Variants in HVCN1 observed in about 807,000 individuals in gnomAD.
HVCN1 encodes the protein voltage-gated hydrogen channel 1.
Under a neutral mutation model 29.2 loss-of-function variants are expected in HVCN1, and 14 were observed. The ratio of observed to expected loss-of-function variants is 0.48; its 90% confidence interval spans 0.32 to 0.75. HVCN1 has a LOEUF of 0.75. Among genes scored for constraint, HVCN1 ranks in the 30% least tolerant of loss-of-function variants. HVCN1 has a pLI of 0.04. For missense variants in HVCN1, 263 were observed against 341.8 expected (o/e 0.77, Z 1.82); for synonymous variants, 131 against 133.2 (o/e 0.98, Z 0.11).
chr12:110,649,519 GC>G, intron 7 of HVCN1, 44 bp from the exon 8 acceptor site: 1 of 1,418,786 alleles, frequency 7.0e-7, no homozygotes, highest in Non-Finnish European at 9.8e-7. Flanking sequence ...TTTGAGCCTC[GC>G]CAGGGATGTG....
intron 3 of HVCN1, among the ~76,000 whole-genome samples, chr12:110,679,852 T>C (rs1029137560): frequency 1.4e-5 from 2 of 141,418 alleles, no homozygotes; most frequent in Non-Finnish European, 3.0e-5. Flanking sequence ...AGAGCGAGAC[T>C]CCGTCTCAAA....
Position 110,674,569 on chromosome 12 carries a change from G to A in HVCN1, c.21+8656C>T, listed in dbSNP as rs146507994. On this transcript the variant is annotated intron_variant, in intron 3 of 7. Transcript: ENST00000242607. Reference sequence around the variant, plus strand: ...TCCAGAATTCCCATGTGTTGTGGGAGGGACCCAGGGGGAGGTAATTGAATC... The same window carrying A: ...TCCAGAATTCCCATGTGTTGTGGGAAGGACCCAGGGGGAGGTAATTGAATC... 6.8e-3 allele frequency among the ~76,000 whole-genome samples: 1,039 copies of A among 152,232 alleles called. 1 individual carries two copies. Among genetic ancestry groups the A allele is most frequent in the Non-Finnish European group, 9.3e-3 (634 of 68,008 alleles).
intron 3 of HVCN1, among the ~76,000 whole-genome samples, chr12:110,664,095 A>T (rs1482012057): frequency 6.6e-6 from 1 of 151,962 alleles, no homozygotes; most frequent in African/African-American, 2.4e-5. Context: ...TAAAACAATT[A>T]TTTTTTTAGA....
In HVCN1 at chr12:110,649,442, G is replaced by T; in HGVS notation, c.790C>A (p.Arg264=). ...ACTTCACCAAGAAGTCCATGCTGTC[G>T]CAATAGTTTGTTAAGTCTTTCAATT... ...QEIERLNKLL[R]QHGLLGEVN Residue 264 remains arginine, a synonymous_variant, in exon 8 of 8, where the codon CGA becomes AGA. Coordinates refer to ENST00000242607, the MANE Select transcript of HVCN1 (RefSeq NM_032369.4). The T allele has an allele frequency of 6.2e-7, 1 of 1,608,048 alleles. No individual in the cohort carries two copies. Among genetic ancestry groups the T allele is most frequent in the Non-Finnish European group, 8.5e-7 (1 of 1,176,200 alleles).
intron 3 of HVCN1, among the ~76,000 whole-genome samples, chr12:110,664,594 C>T (rs2068281696): frequency 6.6e-6 from 1 of 152,156 alleles, no homozygotes; most frequent in South Asian, 2.1e-4. Context: ...TTACTGTGAT[C>T]CCTTAGAGAA....
intron 1 of HVCN1, among the ~76,000 whole-genome samples, chr12:110,704,534 T>C (rs1241952856): frequency 2.0e-5 from 3 of 151,544 alleles, no homozygotes; most frequent in Admixed American, 6.6e-5. Context: ...AGTGCGTGCC[T>C]GTGGTCCCAG....
chr12:110,649,546 G>T, intron 7 of HVCN1, 71 bp from the exon 8 acceptor site: 2 of 1,122,194 alleles, frequency 1.8e-6, no homozygotes, highest in East Asian at 2.5e-5. Flanking sequence ...CAATCATTCA[G>T]TGAGCCCCAG....
At chr12:110,655,436 C>A in intron 4 of HVCN1, 98 bp from the exon 5 acceptor site, 1 of 875,676 alleles carries the variant, frequency 1.1e-6, no homozygotes, top group Non-Finnish European at 1.9e-6. Flanking sequence ...TGGGTGAAAC[C>A]ACTGGGCAAA....
chr12:110,680,746 G>A (rs2136425516), intron 3 of HVCN1, among the ~76,000 whole-genome samples: 1 of 152,096 alleles, frequency 6.6e-6, no homozygotes, highest in Non-Finnish European at 1.5e-5. Flanking sequence ...GAGAAACCCT[G>A]TCTCTACCAA....
rs1188264777 is a variant in HVCN1, at chr12:110,661,713, T to C, written c.22-265A>G. Among the ~76,000 whole-genome samples, 1 of 152,162 alleles carries C rather than the reference T, an allele frequency of 6.6e-6. No homozygotes were observed. The highest frequency in any genetic ancestry group is 1.5e-5 in the Non-Finnish European group (1 of 68,036). ...TGGCAGTAACCAACGGAATCAGTAC[T>C]GCAGCCCGGTCCCAAAACACCCGCC... On this transcript the variant is annotated intron_variant, in intron 3 of 7. Transcript: ENST00000242607. The surrounding 1 kb of genome is among the most constrained non-coding windows in gnomAD (Gnocchi z 6.2).
At position 110,655,308 on chromosome 12, in the gene HVCN1, C is replaced by T; in HGVS notation, c.337G>A (p.Ala113Thr). The change falls in exon 5 of 8, where the codon GCC becomes ACC. Residue 113 changes from alanine (A) to threonine (T), a missense_variant. By Grantham distance (58) the Ala-to-Thr change is moderately conservative. Transcript: ENST00000242607. ...VIIICLVVLD[A>T]LLVLAELILD... ...ATGAGCTCAGCAAGCACCAGGAGGG[C>T]ATCCAGAACCACCAAGCAGATGATG... 6.2e-7 allele frequency: 1 copy of T among 1,613,848 alleles called. No homozygotes were observed. Among genetic ancestry groups the T allele is most frequent in the East Asian group, 2.2e-5 (1 of 44,866 alleles).
At chr12:110,687,266 C>A (rs867763123) in intron 2 of HVCN1, among the ~76,000 whole-genome samples, 1 of 150,450 alleles carries the variant, frequency 6.6e-6, no homozygotes. Flanking sequence ...CACCCCCCCC[C>A]CCCAGCTAAG....
rs778763209 is a variant in HVCN1, at chr12:110,653,710, C to T, written c.411+1524G>A. Among the ~76,000 whole-genome samples the T allele has an allele frequency of 1.3e-3, 202 of 152,018 alleles. 2 individuals carry two copies. The highest frequency in any genetic ancestry group is 2.3e-3 in the Non-Finnish European group (159 of 67,970). ...TAAAAAAATTAGCTGGGTGTGGTGG[C>T]GGGCACCTGTAATCCCAGTTACTCT... On this transcript the variant is annotated intron_variant, in intron 5 of 7. Transcript: ENST00000242607.
intron 3 of HVCN1, among the ~76,000 whole-genome samples, chr12:110,669,785 G>C (rs2068509560): frequency 1.3e-5 from 2 of 152,196 alleles, no homozygotes; most frequent in Non-Finnish European, 2.9e-5. Flanking sequence ...GCCGGGCGCG[G>C]TGGCTCAAGC....
intron 2 of HVCN1, among the ~76,000 whole-genome samples, chr12:110,687,480 T>C (rs998010295): frequency 6.6e-6 from 1 of 151,502 alleles, no homozygotes; most frequent in Non-Finnish European, 1.5e-5. Flanking sequence ...ACTTAGGAGG[T>C]GGCGGCTGGG....
At chr12:110,702,683 T>G (rs1196686994) in intron 1 of HVCN1, among the ~76,000 whole-genome samples, 1 of 141,746 alleles carries the variant, frequency 7.1e-6, no homozygotes, top group Non-Finnish European at 1.5e-5. Context: ...AGATGGAGTT[T>G]TGCTCTTGTT....
At chr12:110,687,969 C>G (rs56179460) in intron 2 of HVCN1, 12,200 of 152,436 alleles carry the variant, frequency 0.08, 531 homozygotes, top group Middle Eastern at 0.11. Flanking sequence ...GTTGCCACCC[C>G]CTCACCTTGG....
intron 4 of HVCN1, among the ~76,000 whole-genome samples, chr12:110,659,200 TA>T (rs1293174150): frequency 1.4e-5 from 2 of 143,830 alleles, no homozygotes; most frequent in African/African-American, 5.7e-5. Context: ...AAGACCAAAA[TA>T]ATTTTTTTTT....
chr12:110,694,930 T>G lies in HVCN1; in HGVS notation c.-103-6222A>C, dbSNP rs2068855350. On this transcript the variant is annotated intron_variant, in intron 2 of 4. Coordinates refer to the HVCN1 transcript ENST00000546713. The surrounding 1 kb of genome is among the most constrained non-coding windows in gnomAD (Gnocchi z 4.6). ...AAGAGGCCTGGGTGTAAATCCTGCC[T>G]CAATGGTTTCCCTTGCCCGCTGGGT... is the stretch of plus-strand genomic sequence containing the variant. Among the ~76,000 whole-genome samples, 1 of 152,188 alleles carries G rather than the reference T, an allele frequency of 6.6e-6. No homozygotes were observed. The highest frequency in any genetic ancestry group is 2.1e-4 in the South Asian group (1 of 4,824).
Sources: gnomAD v4.1 joint callset for allele counts (sites outside exome capture counted in the v4.1 genomes callset) on GRCh38, gnomAD v4.1.1 for gene constraint, Gnocchi (gnomAD v3.1) non-coding constraint, MANE v1.5 for transcripts, NCBI Gene and HGNC (gene_info 2026-07-23, HGNC 2026-07-21) for gene names.